Variants in CCDC73 observed in about 807,000 individuals in gnomAD.
CCDC73 encodes the protein coiled-coil domain-containing protein 73.
CCDC73 carries 95 observed loss-of-function variants against 116.5 expected under a neutral mutation model. The ratio of observed to expected loss-of-function variants is 0.82; its 90% CI spans 0.69 to 0.97. The LOEUF (loss-of-function observed/expected upper bound fraction) is 0.97, where lower values mean the gene tolerates loss of function less well. CCDC73 is among the 50% of genes least tolerant of loss of function. CCDC73 has a pLI of 0.00. For synonymous variants in CCDC73, 398 were observed against 401.3 expected, an observed-to-expected ratio of 0.99 and a Z score of 0.10; for missense variants, 1,066 against 1,206.8, an observed-to-expected ratio of 0.88 and a Z score of 1.73.
chr11:32,620,662 T>C (rs749743765), intron 14 of CCDC73, among the ~76,000 whole-genome samples: 24 of 150,332 alleles, frequency 1.6e-4, no homozygotes, highest in Non-Finnish European at 2.5e-4. Context: ...TTCTGTTATA[T>C]TTCATTCATT....
intron 2 of CCDC73, chr11:32,758,136 A>AT (rs887918747): frequency 6.7e-5 from 12 of 179,484 alleles, no homozygotes; most frequent in African/African-American, 2.6e-4. Context: ...AAAGTAAGGG[A>AT]TTTTTTCCCC....
chr11:32,760,227 T>C lies in CCDC73; in HGVS notation c.17A>G (p.Asn6Ser), dbSNP rs117530589. ...AGTAAAAGTAGATGATGACTCAGTA[T>C]TGAAGTTGCTTTCCATATTAATATT... is the stretch of plus-strand genomic sequence containing the variant. MESNF[N>S]TESSSTFTLQ... The change falls in exon 2 of 18, where the codon AAT becomes AGT. Residue 6 changes from asparagine to serine, a missense_variant. Asn to Ser is a conservative substitution (Grantham distance 46, BLOSUM62 1). Coordinates refer to ENST00000335185, the MANE Select transcript of CCDC73 (RefSeq NM_001008391.4). 10,138 of 1,564,878 alleles carry C rather than the reference T, an allele frequency of 6.5e-3. 50 individuals are homozygous for C. The highest frequency in any genetic ancestry group is 7.8e-3 in the Non-Finnish European group (9,031 of 1,152,220).
At chr11:32,656,594 G>A (rs1855876042) in intron 9 of CCDC73, among the ~76,000 whole-genome samples, 1 of 152,134 alleles carries the variant, frequency 6.6e-6, no homozygotes, top group Non-Finnish European at 1.5e-5. Context: ...GAGTGATACC[G>A]CAGCAGCAGC....
At chr11:32,691,184 A>G (rs905386643) in intron 6 of CCDC73, among the ~76,000 whole-genome samples, 1 of 151,874 alleles carries the variant, frequency 6.6e-6, no homozygotes, top group Non-Finnish European at 1.5e-5. Context: ...AGTTGGGGCT[A>G]CAGGCACCTG....
chr11:32,708,953 A>C (rs1590606557), intron 3 of CCDC73, among the ~76,000 whole-genome samples: 1 of 152,122 alleles, frequency 6.6e-6, no homozygotes. Context: ...TGTTGAATAG[A>C]AGTGGTGAAA....
chr11:32,613,636 T>C lies in CCDC73; in HGVS notation c.2682A>G (p.Lys894=), dbSNP rs1468993334. The C allele has an allele frequency of 3.1e-6, 5 of 1,614,020 alleles. No individual in the cohort carries two copies. The highest frequency in any genetic ancestry group is 4.2e-6 in the Non-Finnish European group (5 of 1,179,952). Residue 894 remains lysine (K), a synonymous_variant, in exon 16 of 18, where the codon AAA becomes AAG. Coordinates refer to ENST00000335185, the MANE Select transcript of CCDC73 (RefSeq NM_001008391.4). ...STFDLSTSDK[K]TEKTPVYMNF... ...TCATGTATACTGGAGTTTTCTCAGT[T>C]TTTTTATCTGAAGTTGAAAGATCAA...
intron 1 of CCDC73, among the ~76,000 whole-genome samples, chr11:32,789,402 A>G (rs1304343559): frequency 2.0e-5 from 3 of 152,242 alleles, no homozygotes; most frequent in African/African-American, 7.2e-5. Context: ...GGAAACAAAG[A>G]AAAATGTATT....
At chr11:32,613,128 T>C (rs1370866904) in intron 16 of CCDC73, among the ~76,000 whole-genome samples, 1 of 151,880 alleles carries the variant, frequency 6.6e-6, no homozygotes, top group Non-Finnish European at 1.5e-5. Flanking sequence ...GGAGAGAAAA[T>C]TGGGCAAAGA....
chr11:32,661,844 C>T (rs932472921), intron 9 of CCDC73, among the ~76,000 whole-genome samples: 9 of 151,930 alleles, frequency 5.9e-5, no homozygotes, highest in African/African-American at 2.2e-4. Context: ...CTCCCCCGAC[C>T]CCACAACAGT....
intron 9 of CCDC73, among the ~76,000 whole-genome samples, chr11:32,657,238 T>C (rs72910967): frequency 6.6e-6 from 1 of 152,142 alleles, no homozygotes; most frequent in Admixed American, 6.5e-5. Context: ...CCCAAGTATA[T>C]CCTAACTCCA....
chr11:32,809,609 A>G, the CCDC73 span, among the ~76,000 whole-genome samples: 1 of 152,194 alleles, frequency 6.6e-6, no homozygotes, highest in Non-Finnish European at 1.5e-5. Flanking sequence ...TGGTTTCAGT[A>G]GTGGAAGGCA....
At position 32,687,181 on chromosome 11, in the gene CCDC73, A is replaced by G. The variant is rs116656325; in HGVS notation, c.391-3607T>C. Among the ~76,000 whole-genome samples, 539 of 152,300 alleles carry G rather than the reference A, an allele frequency of 3.5e-3. 6 individuals carry two copies. The highest frequency in any genetic ancestry group is 0.013 in the African/African-American group (520 of 41,570). On this transcript the variant is annotated intron_variant, in intron 6 of 17. Transcript: ENST00000335185. ...CTTAAACAGTTCAGCTCTGAAGTCC[A>G]TTAGGTTAGGTACAATAAGGTATGT...
At chr11:32,672,316 T>C (rs1856047258) in intron 9 of CCDC73, among the ~76,000 whole-genome samples, 1 of 152,128 alleles carries the variant, frequency 6.6e-6, no homozygotes, top group Non-Finnish European at 1.5e-5. Flanking sequence ...CATTCCAGCC[T>C]GGGCAACAGA....
chr11:32,813,600 T>C, the CCDC73 span, among the ~76,000 whole-genome samples: 1 of 152,214 alleles, frequency 6.6e-6, no homozygotes, highest in African/African-American at 2.4e-5. Context: ...TTTTTATATA[T>C]CATGTGAGGA....
In CCDC73 at chr11:32,655,228, C is replaced by A. The variant is rs186332329; in HGVS notation, c.646-256G>T. ...GGAGTGTACTAACAAAATCAACTAA[C>A]TAACCAGAAGTACAGTGTTTCCATT... On this transcript the variant is annotated intron_variant, in intron 9 of 17. Coordinates refer to ENST00000335185, the MANE Select transcript of CCDC73 (RefSeq NM_001008391.4). Among the ~76,000 whole-genome samples the A allele has an allele frequency of 1.0e-3, 155 of 152,286 alleles. 1 individual carries two copies. The highest frequency in any genetic ancestry group is 2.2e-4 in the Non-Finnish European group (15 of 68,022).
intron 1 of CCDC73, among the ~76,000 whole-genome samples, chr11:32,786,436 TAATA>T (rs1393451096): frequency 8.3e-6 from 1 of 120,544 alleles, no homozygotes; most frequent in Non-Finnish European, 1.7e-5. Flanking sequence ...TTATAATATA[TAATA>T]AATATATTAT....
intron 9 of CCDC73, among the ~76,000 whole-genome samples, chr11:32,671,619 T>A (rs1856038895): frequency 6.6e-6 from 1 of 152,130 alleles, no homozygotes; most frequent in African/African-American, 2.4e-5. Context: ...CAAAGCTACA[T>A]AAGACACATA....
chr11:32,711,252 A>C (rs553356928), intron 3 of CCDC73, among the ~76,000 whole-genome samples: 2 of 152,304 alleles, frequency 1.3e-5, no homozygotes, highest in East Asian at 1.9e-4. Flanking sequence ...AAAAACTAAA[A>C]GTAGATCTAC....
the CCDC73 span, among the ~76,000 whole-genome samples, chr11:32,806,648 A>G: frequency 6.6e-6 from 1 of 150,694 alleles, no homozygotes; most frequent in African/African-American, 2.4e-5. Flanking sequence ...AAAAAAAAGA[A>G]AGAAAGAAAG....
Sources: allele counts gnomAD v4.1 joint callset (sites outside exome capture counted in the v4.1 genomes callset), GRCh38; gene constraint gnomAD v4.1.1; transcripts MANE v1.5; gene names NCBI Gene and HGNC (gene_info 2026-07-23, HGNC 2026-07-21).